The following DNAH3 variants were observed in gnomAD, a reference collection of about 807,000 sequenced individuals.
DNAH3 encodes the protein dynein axonemal heavy chain 3.
DNAH3 carries 332 observed loss-of-function variants against 432.5 expected under a neutral mutation model. That is an observed-to-expected ratio of 0.77 (90% CI 0.70 to 0.84). The LOEUF (loss-of-function observed/expected upper bound fraction) is 0.84, where lower values mean the gene tolerates loss of function less well. DNAH3 is among the 40% of genes least tolerant of loss of function. DNAH3 has a pLI of 0.00. For missense variants in DNAH3, 4,861 were observed against 5,114.0 expected (o/e 0.95, Z 1.51); for synonymous variants, 1,956 against 1,900.2 (o/e 1.03, Z -0.76).
intron 19 of DNAH3, among the ~76,000 whole-genome samples, chr16:21,085,843 AT>A (rs1204975926): frequency 6.6e-6 from 1 of 151,924 alleles, no homozygotes; most frequent in Non-Finnish European, 1.5e-5. Context: ...TCATGGCTCA[AT>A]GCAGCCTTGA....
chr16:21,050,242 G>A lies in DNAH3; in HGVS notation c.4239-224C>T, dbSNP rs996705740. On this transcript the variant is annotated intron_variant, in intron 29 of 61. Coordinates refer to ENST00000261383, the Ensembl canonical transcript of DNAH3. The stretch of plus-strand genomic sequence containing the variant: ...AATACAATATCACTGTATTTTACTC[G>A]GCATTGTAACCTCAGAGCCCAGCAC... Among the ~76,000 whole-genome samples, 14 of 152,084 alleles carry A rather than the reference G, an allele frequency of 9.2e-5. No homozygotes were observed. In the East Asian group the frequency reaches 1.9e-3, roughly 21 times the overall value.
chr16:21,027,059 G>C, exon 38 of DNAH3: 1 of 1,613,746 alleles, frequency 6.2e-7, no homozygotes, highest in South Asian at 1.1e-5. Context: ...CTTGCTCGAG[G>C]TCGGCGGGCT....
At chr16:20,949,263 CAAAAA>C (rs34267850) in intron 56 of DNAH3, among the ~76,000 whole-genome samples, 1 of 66,028 alleles carries the variant, frequency 1.5e-5, no homozygotes, top group African/African-American at 6.4e-5. Flanking sequence ...GAGACTGTCT[CAAAAA>C]AAAAAAAAAA....
At chr16:21,010,243 C>G (rs1022393073) in intron 41 of DNAH3, among the ~76,000 whole-genome samples, 1 of 152,106 alleles carries the variant, frequency 6.6e-6, no homozygotes, top group South Asian at 2.1e-4. Flanking sequence ...AACTTAAACT[C>G]TGGTCTGGGT....
intron 22 of DNAH3, 43 bp downstream of exon 22, chr16:21,070,667 G>T: frequency 7.7e-7 from 1 of 1,301,822 alleles, no homozygotes; most frequent in Non-Finnish European, 1.1e-6. Flanking sequence ...GAAACCCAGA[G>T]CTAACGAAAC....
intron 59 of DNAH3, among the ~76,000 whole-genome samples, 183 bp downstream of exon 59, chr16:20,941,218 G>A (rs2083795662): frequency 6.6e-6 from 1 of 152,180 alleles, no homozygotes. Flanking sequence ...TGAATAGAAG[G>A]AATGATTCAA....
At chr16:20,977,079 A>T (rs2085627208) in intron 50 of DNAH3, among the ~76,000 whole-genome samples, 1 of 152,054 alleles carries the variant, frequency 6.6e-6, no homozygotes, top group South Asian at 2.1e-4. Flanking sequence ...TTTTTTAGAC[A>T]ATTAAACCCA....
rs749966740 is a variant in DNAH3, at chr16:21,134,370, C to T, written c.971G>A (p.Arg324Gln). 32 of 1,614,156 alleles carry T rather than the reference C, an allele frequency of 2.0e-5. No homozygotes were observed. The South Asian group carries it at 3.2e-4, about 16-fold the overall frequency. The change falls in exon 7 of 62, where the codon CGG (arginine) becomes CAG (glutamine). Residue 324 changes from arginine to glutamine, a missense_variant. Arg to Gln is a conservative substitution (Grantham distance 43). Coordinates refer to ENST00000261383, the Ensembl canonical transcript of DNAH3. ...GACACTGTGCCAGGGCACAGGGGCC[C>T]GGATCACTCTTTGAGGAAACAAGCG... is the stretch of plus-strand genomic sequence containing the variant.
intron 34 of DNAH3, among the ~76,000 whole-genome samples, chr16:21,037,075 G>A (rs536410474): frequency 2.6e-5 from 4 of 152,274 alleles, no homozygotes; most frequent in East Asian, 3.9e-4. Flanking sequence ...TTGGGTGACC[G>A]AGGTGGGTGG....
In DNAH3 at chr16:21,140,366, C is replaced by T. The variant is rs1039848758; in HGVS notation, c.696+170G>A. On this transcript the variant is annotated intron_variant, in intron 5 of 61. Coordinates refer to ENST00000261383, the Ensembl canonical transcript of DNAH3. Reference sequence around the variant, plus strand: ...ACACTCTCTCTCCTTCTCTCTCACTCGCACAAGCACACAAACATGCGCCCT... The same window carrying T: ...ACACTCTCTCTCCTTCTCTCTCACTTGCACAAGCACACAAACATGCGCCCT... 9.9e-5 allele frequency: 60 copies of T among 608,196 alleles called. 1 individual carries two copies. Among genetic ancestry groups the T allele is most frequent in the Non-Finnish European group, 1.0e-4 (36 of 351,436 alleles). 37.7% of individuals were successfully genotyped at this position (608,196 alleles called of 1,614,324 possible). A position where few individuals can be genotyped will look rare whatever the true frequency, so the allele number is the denominator to read the frequency against.
At chr16:21,014,342 A>T (rs1403869410) in intron 41 of DNAH3, among the ~76,000 whole-genome samples, 7 of 152,232 alleles carry the variant, frequency 4.6e-5, no homozygotes, top group Non-Finnish European at 8.8e-5. Context: ...TTAACAAGCT[A>T]AAGAAGAAAA....
intron 32 of DNAH3, among the ~76,000 whole-genome samples, chr16:21,041,818 A>G (rs1286490439): frequency 6.6e-6 from 1 of 152,118 alleles, no homozygotes; most frequent in Non-Finnish European, 1.5e-5. Flanking sequence ...GATTACAGGT[A>G]CATGCCACCA....
intron 9 of DNAH3, among the ~76,000 whole-genome samples, chr16:21,123,123 A>G (rs1416165274): frequency 1.3e-5 from 2 of 152,230 alleles, no homozygotes; most frequent in Admixed American, 6.5e-5. Context: ...GTCCAAAAGT[A>G]TTAATCATAA....
intron 40 of DNAH3, among the ~76,000 whole-genome samples, chr16:21,020,494 C>T (rs914898365): frequency 2.1e-5 from 3 of 143,012 alleles, no homozygotes; most frequent in African/African-American, 7.8e-5. Context: ...CCTCTGCCTC[C>T]TGGGTTCAAG....
chr16:21,020,356 A>G (rs866189811), intron 40 of DNAH3, among the ~76,000 whole-genome samples: 7 of 105,522 alleles, frequency 6.6e-5, no homozygotes, highest in South Asian at 3.6e-4. Context: ...GTGTATATAT[A>G]TATATATATA....
At chr16:21,139,173 A>G (rs1442976570) in intron 5 of DNAH3, among the ~76,000 whole-genome samples, 1 of 152,160 alleles carries the variant, frequency 6.6e-6, no homozygotes, top group East Asian at 1.9e-4. Flanking sequence ...AAAGTTGTCT[A>G]GACCTAAGAA....
At chr16:20,973,451 T>A (rs538303133) in intron 51 of DNAH3, among the ~76,000 whole-genome samples, 1 of 152,112 alleles carries the variant, frequency 6.6e-6, no homozygotes, top group South Asian at 2.1e-4. Context: ...TAAGGTTTTG[T>A]CATGTTGGCA....
In DNAH3 at chr16:20,940,060, G is replaced by C. The variant is rs1020665463; in HGVS notation, c.11654+1341C>G. Among the ~76,000 whole-genome samples the C allele has an allele frequency of 2.0e-5, 3 of 152,290 alleles. No homozygotes were observed. The East Asian group carries it at 5.8e-4, about 29-fold the overall frequency. The stretch of plus-strand genomic sequence containing the variant: ...CCCTAACTGTGTGGTAGAGGCACTA[G>C]GATGAACGTCTCCCACCCCTTTCTA... On this transcript the variant is annotated intron_variant, in intron 59 of 61. Coordinates refer to ENST00000261383, the Ensembl canonical transcript of DNAH3.
chr16:21,100,709 T>C (rs1420810085), intron 16 of DNAH3, among the ~76,000 whole-genome samples: 3 of 152,188 alleles, frequency 2.0e-5, no homozygotes, highest in South Asian at 2.1e-4. Flanking sequence ...CCACGGAACC[T>C]ACCACTGAGT....
Sources: gnomAD v4.1 joint callset for allele counts (sites outside exome capture counted in the v4.1 genomes callset) on GRCh38, gnomAD v4.1.1 for gene constraint, MANE v1.5 for transcripts, NCBI Gene and HGNC (gene_info 2026-07-23, HGNC 2026-07-21) for gene names.